The following CSMD2 variants were observed in gnomAD, a reference collection of about 807,000 sequenced individuals.
CSMD2 encodes CUB and sushi domain-containing protein 2.
CSMD2 carries 130 observed loss-of-function variants against 398.5 expected under a neutral mutation model. The ratio of observed to expected loss-of-function variants is 0.33; its 90% CI spans 0.28 to 0.38. CSMD2 has a LOEUF of 0.38. Among genes scored for constraint, CSMD2 ranks in the 10% least tolerant of loss-of-function variants. The probability of loss-of-function intolerance (pLI) is 1.00; values close to 1 mark genes in which losing one functional copy is unlikely to be tolerated. For synonymous variants in CSMD2, 1,828 were observed against 1,908.5 expected (o/e 0.96, Z 1.10); for missense variants, 3,829 against 4,764.9 (o/e 0.80, Z 5.78).
intron 22 of CSMD2, among the ~76,000 whole-genome samples, chr1:33,702,069 G>A (rs953802658): frequency 1.4e-4 from 21 of 152,134 alleles, no homozygotes; most frequent in African/African-American, 2.4e-4. Flanking sequence ...AGGAACATAC[G>A]AAATGATACC....
intron 3 of CSMD2, among the ~76,000 whole-genome samples, chr1:34,015,667 T>C (rs1334267689): frequency 6.6e-6 from 1 of 152,182 alleles, no homozygotes; most frequent in East Asian, 1.9e-4. Flanking sequence ...GTCTTATTGT[T>C]CATGGCATCT....
chr1:33,728,380 T>G (rs1172049756), intron 15 of CSMD2, among the ~76,000 whole-genome samples: 1 of 152,144 alleles, frequency 6.6e-6, no homozygotes, highest in East Asian at 1.9e-4. Context: ...AAAATAGTTG[T>G]CAAGTATTCT....
intron 2 of CSMD2, among the ~76,000 whole-genome samples, chr1:34,080,343 C>T (rs9425900): frequency 0.033 from 5,012 of 151,804 alleles, 267 homozygotes; most frequent in African/African-American, 0.11. Flanking sequence ...ATTGCCTATC[C>T]GCAAATATCA....
intron 2 of CSMD2, among the ~76,000 whole-genome samples, chr1:34,047,944 C>T (rs1238402498): frequency 1.3e-5 from 2 of 152,230 alleles, no homozygotes; most frequent in African/African-American, 4.8e-5. Context: ...TTACCAGTCT[C>T]CCCAAGAGAG....
intron 49 of CSMD2, among the ~76,000 whole-genome samples, chr1:33,573,527 A>C (rs181591283): frequency 1.5e-3 from 227 of 152,226 alleles, no homozygotes; most frequent in African/African-American, 4.0e-3. Context: ...AACAAACAAA[A>C]AAAAAACAAG....
intron 3 of CSMD2, among the ~76,000 whole-genome samples, chr1:33,978,646 T>C (rs1259520943): frequency 6.6e-6 from 1 of 152,004 alleles, no homozygotes; most frequent in East Asian, 1.9e-4. Context: ...GAACAGCAGA[T>C]GCAAAGGCCA....
intron 11 of CSMD2, among the ~76,000 whole-genome samples, chr1:33,791,483 C>T (rs1654301087): frequency 1.3e-5 from 2 of 152,090 alleles, no homozygotes; most frequent in Admixed American, 1.3e-4. Context: ...GAAGCATTTC[C>T]TGACTTTTTT....
intron 3 of CSMD2, among the ~76,000 whole-genome samples, chr1:34,023,211 A>G (rs1312424476): frequency 6.6e-6 from 1 of 152,220 alleles, no homozygotes; most frequent in African/African-American, 2.4e-5. Flanking sequence ...GCTCCCAAGC[A>G]TCCAATGAAT....
rs150609588 is a variant in CSMD2 at position 33,625,206 on chromosome 1, C to T, written c.5345G>A (p.Arg1782His). Residue 1782 changes from arginine (R) to histidine (H), a missense_variant, in exon 34 of 71, where the codon CGC becomes CAC. Coordinates refer to ENST00000373381, the MANE Select transcript of CSMD2 (RefSeq NM_001281956.2). Reference protein sequence around the residue: ...ATQCSSVPEPRYGKRLGSDFS... With the variant: ...ATQCSSVPEPHYGKRLGSDFS... ...GTCACTGCCCAGCCTCTTGCCATAG[C>T]GGGGTTCCGGCACAGAGCTGCACTG... The T allele has an allele frequency of 5.6e-6, 9 of 1,613,436 alleles. No individual in the cohort carries two copies. The African/African-American group carries it at 6.7e-5, about 12-fold the overall frequency.
At chr1:33,520,637 G>A (rs1490992285) in intron 68 of CSMD2, among the ~76,000 whole-genome samples, 2 of 152,252 alleles carry the variant, frequency 1.3e-5, no homozygotes, top group Non-Finnish European at 2.9e-5. Context: ...TGAGGGCAGA[G>A]CTGGGACAAC....
intron 60 of CSMD2, among the ~76,000 whole-genome samples, chr1:33,539,830 C>T (rs904190857): frequency 6.6e-6 from 1 of 152,184 alleles, no homozygotes; most frequent in African/African-American, 2.4e-5. Flanking sequence ...TTTTGAGCTG[C>T]TGGCCCTAAT....
At chr1:33,831,313 T>C (rs1570166186) in intron 6 of CSMD2, among the ~76,000 whole-genome samples, 1 of 152,308 alleles carries the variant, frequency 6.6e-6, no homozygotes. Context: ...AGCGGATTTC[T>C]CGGCAGAAAC....
chr1:33,605,899 C>T lies in CSMD2; in HGVS notation c.6344-429G>A, dbSNP rs750582845. The T allele has an allele frequency of 2.0e-5, 33 of 1,613,566 alleles. No homozygotes were observed. Among genetic ancestry groups the T allele is most frequent in the African/African-American group, 4.0e-5 (3 of 74,848 alleles). Reference sequence around the variant, plus strand: ...GGATCAAGATCCCAGACATAGGAAGCGGCGACGGGAGGAGTTGAGTTGGTT... The same window carrying T: ...GGATCAAGATCCCAGACATAGGAAGTGGCGACGGGAGGAGTTGAGTTGGTT... On this transcript the variant is annotated intron_variant, in intron 41 of 70. Coordinates refer to ENST00000373381, the MANE Select transcript of CSMD2 (RefSeq NM_001281956.2).
At chr1:33,962,281 G>C (rs115927430) in intron 3 of CSMD2, among the ~76,000 whole-genome samples, 7,375 of 152,158 alleles carry the variant, frequency 0.048, 236 homozygotes, top group Non-Finnish European at 0.07. Context: ...TCCCTGGGGA[G>C]GGGGAGCGAG....
At chr1:34,061,164 T>C (rs1432114121) in intron 2 of CSMD2, among the ~76,000 whole-genome samples, 2 of 152,084 alleles carry the variant, frequency 1.3e-5, no homozygotes, top group Non-Finnish European at 2.9e-5. Context: ...CAGGCCACGG[T>C]TGCTGCTAAA....
chr1:33,937,608 C>T (rs114428299), intron 3 of CSMD2, among the ~76,000 whole-genome samples: 47 of 152,304 alleles, frequency 3.1e-4, no homozygotes, highest in African/African-American at 1.1e-3. Context: ...GTATTCCCTC[C>T]CCCTTCCTCT....
chr1:34,107,575 C>G (rs1261459753), intron 1 of CSMD2, among the ~76,000 whole-genome samples: 3 of 152,140 alleles, frequency 2.0e-5, no homozygotes, highest in African/African-American at 7.2e-5. Flanking sequence ...CCCAGGCAAT[C>G]TGGTGCCACA....
rs34047235 is a variant in CSMD2 at position 33,569,514 on chromosome 1, T to A, written c.7991A>T (p.Asn2664Ile). Residue 2664 changes from asparagine (N) to isoleucine (I), a missense_variant, in exon 52 of 71, where the codon AAT (asparagine) becomes ATT (isoleucine). Physicochemically the swap from Asn to Ile is moderately radical, Grantham distance 149. Around this residue, in one of 5 missense-constraint regions of CSMD2, gnomAD observed 723 missense variants for 758.6 expected, o/e 0.95. Transcript: ENST00000373381. ...AGACAGTGTTCCGATGCGGTGGCCA[T>A]TGGGGGGAATCGGGAGCTCTCCACA... ...ISCGELPIPP[N>I]GHRIGTLSVY... 1 of 1,614,046 alleles carries A rather than the reference T, an allele frequency of 6.2e-7. No homozygotes were observed. Among genetic ancestry groups the A allele is most frequent in the Non-Finnish European group, 8.5e-7 (1 of 1,180,000 alleles).
chr1:33,819,597 G>T (rs542088370), intron 9 of CSMD2, 116 bp downstream of exon 9: 37 of 852,562 alleles, frequency 4.3e-5, no homozygotes, highest in African/African-American at 1.7e-4. Context: ...AGGGAGTGAG[G>T]GGGGAGGGGA....
Sources: gnomAD v4.1 joint callset for allele counts (sites outside exome capture counted in the v4.1 genomes callset) on GRCh38, gnomAD v4.1.1 for gene constraint, gnomAD v4.1.1 regional missense constraint, MANE v1.5 for transcripts, NCBI Gene and HGNC (gene_info 2026-07-23, HGNC 2026-07-21) for gene names.